CSMD1: variants seen among roughly 807,000 people sequenced by gnomAD.
The protein encoded by CSMD1 is CUB and Sushi multiple domains 1.
Under a neutral mutation model 417.5 loss-of-function variants are expected in CSMD1, and 213 were observed. The observed-to-expected ratio is 0.51, with a 90% CI of 0.46 to 0.57. The LOEUF (loss-of-function observed/expected upper bound fraction) is 0.57, where lower values mean the gene tolerates loss of function less well. Ranked by LOEUF, CSMD1 falls within the 20% of genes least tolerant of loss-of-function variation. The probability of loss-of-function intolerance (pLI) is 0.00; values close to 1 mark genes in which losing one functional copy is unlikely to be tolerated. For missense variants in CSMD1, 6,923 were observed against 4,529.7 expected, an observed-to-expected ratio of 1.53 and a Z score of -15.17; for synonymous variants, 2,862 against 1,736.8, an observed-to-expected ratio of 1.65 and a Z score of -16.11.
Position 3,122,687 on chromosome 8 carries a change from C to T in CSMD1, c.6242-4100G>A, listed in dbSNP as rs533649451. ...GGGGTTTCCACTTTTGCTTCTTTCTCATTTTCTCTTGCTGCCGCCATGTAA... is the reference window on the plus strand; with the variant it reads ...GGGGTTTCCACTTTTGCTTCTTTCTTATTTTCTCTTGCTGCCGCCATGTAA... On this transcript the variant is annotated intron_variant, in intron 41 of 69. Coordinates refer to ENST00000635120, the MANE Select transcript of CSMD1 (RefSeq NM_033225.6). 2.6e-5 allele frequency among the ~76,000 whole-genome samples: 4 copies of T among 152,276 alleles called. No individual in the cohort carries two copies. The South Asian group carries it at 6.2e-4, about 24-fold the overall frequency.
At chr8:3,341,418 A>C (rs185675826) in intron 23 of CSMD1, among the ~76,000 whole-genome samples, 179 of 152,342 alleles carry the variant, frequency 1.2e-3, no homozygotes, top group Admixed American at 2.7e-3. Flanking sequence ...AAATGAGACC[A>C]AGTGTTTACA....
At chr8:3,774,380 G>C (rs914416268) in intron 5 of CSMD1, among the ~76,000 whole-genome samples, 8 of 152,014 alleles carry the variant, frequency 5.3e-5, no homozygotes, top group Admixed American at 4.6e-4. Context: ...CATCTCCCCG[G>C]GATGCAAAAC....
At position 4,056,890 on chromosome 8, in the gene CSMD1, A is replaced by G. The variant is rs1273780973; in HGVS notation, c.416-24791T>C. 2.0e-5 allele frequency among the ~76,000 whole-genome samples: 3 copies of G among 152,332 alleles called. No individual in the cohort carries two copies. The East Asian group carries it at 5.8e-4, about 29-fold the overall frequency. ...TCATCATTTTTTATGGCTGCATAGT[A>G]TTCCATAGAGTATATGTGCCACACT... On this transcript the variant is annotated intron_variant, in intron 3 of 69. Transcript: ENST00000635120.
At chr8:4,888,753 G>A (rs1046258040) in intron 1 of CSMD1, among the ~76,000 whole-genome samples, 2 of 152,026 alleles carry the variant, frequency 1.3e-5, no homozygotes, top group Non-Finnish European at 2.9e-5. Context: ...ATGTGTTAGG[G>A]CTAAAAAGTA....
chr8:4,627,354 A>C (rs1013790619), intron 2 of CSMD1, among the ~76,000 whole-genome samples: 3 of 152,142 alleles, frequency 2.0e-5, no homozygotes, highest in African/African-American at 2.4e-5. Flanking sequence ...AAAATCTGGG[A>C]AACTATTTAT....
intron 7 of CSMD1, among the ~76,000 whole-genome samples, chr8:3,681,339 A>G: frequency 6.6e-6 from 1 of 152,222 alleles, no homozygotes; most frequent in Non-Finnish European, 1.5e-5. Flanking sequence ...ACTTCAGCAA[A>G]GTCTCAGGAT....
chr8:4,436,419 G>C (rs773809015), intron 2 of CSMD1, among the ~76,000 whole-genome samples: 1 of 152,110 alleles, frequency 6.6e-6, no homozygotes. Flanking sequence ...GTACAGAGTA[G>C]ATGTGTGTAT....
At chr8:4,660,605 A>C (rs116289612) in intron 1 of CSMD1, among the ~76,000 whole-genome samples, 12,531 of 152,092 alleles carry the variant, frequency 0.082, 1,744 homozygotes, top group African/African-American at 0.29. Flanking sequence ...ACAATCTATA[A>C]AATAAAAAAT....
rs1487087378 is a variant in CSMD1, at chr8:2,962,614, G to T, written c.9480C>A (p.Ile3160=). The T allele has an allele frequency of 6.2e-7, 1 of 1,613,686 alleles. No individual in the cohort carries two copies. Among genetic ancestry groups the T allele is most frequent in the Non-Finnish European group, 8.5e-7 (1 of 1,179,820 alleles). The change falls in exon 61 of 70, where the codon ATC becomes ATA. Residue 3160 remains isoleucine (I), a synonymous_variant. Transcript: ENST00000635120. ...CLPVFCGDPG[I]PAEGRLSGKS... The stretch of plus-strand genomic sequence containing the variant: ...TCCCACTAAGTCGCCCTTCTGCGGG[G>T]ATGCCAGGGTCTCCGCAGAACACAG...
intron 7 of CSMD1, among the ~76,000 whole-genome samples, chr8:3,706,103 C>T (rs34867567): frequency 0.92 from 140,278 of 152,220 alleles, 64,707 homozygotes; most frequent in East Asian, 0.99. Context: ...GCCTACCTCC[C>T]CTACCGTTCG....
rs139324478 is a variant in CSMD1 at position 3,940,179 on chromosome 8, G to C, written c.818+57724C>G. 5.8e-3 allele frequency among the ~76,000 whole-genome samples: 885 copies of C among 152,060 alleles called. 17 individuals carry two copies. Among genetic ancestry groups the C allele is most frequent in the Admixed American group, 0.04 (608 of 15,258 alleles). ...TTGTCATTGTGTTTCAAACATGAAAGATCTCATGCTTATTATTTTTGAAAA... is the reference window on the plus strand; with the variant it reads ...TTGTCATTGTGTTTCAAACATGAAACATCTCATGCTTATTATTTTTGAAAA... On this transcript the variant is annotated intron_variant, in intron 5 of 69. Transcript: ENST00000635120.
chr8:4,166,061 G>T (rs1448615962), intron 3 of CSMD1, among the ~76,000 whole-genome samples: 1 of 152,094 alleles, frequency 6.6e-6, no homozygotes, highest in Admixed American at 6.5e-5. Flanking sequence ...TTTAATAAGT[G>T]AATTCCCAAT....
At position 3,619,374 on chromosome 8, in the gene CSMD1, A is replaced by ATG. The variant is rs1368741675; in HGVS notation, c.1010-2579_1010-2578dup. 4.2e-5 allele frequency among the ~76,000 whole-genome samples: 5 copies of ATG among 119,620 alleles called. No homozygotes were observed. The East Asian group carries it at 1.1e-3, about 27-fold the overall frequency. The allele number at this position is 119,620 out of a possible 152,430, so 78.5% of individuals were successfully genotyped here. ...GAGCACGGTAGTTAATTTTTTTCAA[A>ATG]TGCTTATTTTTTTTTAACAAAAACC... On this transcript the variant is annotated intron_variant, in intron 7 of 69. Coordinates refer to ENST00000635120, the MANE Select transcript of CSMD1 (RefSeq NM_033225.6).
At chr8:3,465,541 G>A (rs1310773534) in intron 12 of CSMD1, among the ~76,000 whole-genome samples, 1 of 152,112 alleles carries the variant, frequency 6.6e-6, no homozygotes, top group Non-Finnish European at 1.5e-5. Flanking sequence ...ATCCTCCAGG[G>A]AGATTTTCTC....
chr8:3,984,705 AT>A, intron 5 of CSMD1, among the ~76,000 whole-genome samples: 1 of 2,758 alleles, frequency 3.6e-4, no homozygotes, highest in Non-Finnish European at 6.2e-4. Context: ...TGTATATATC[AT>A]ATATATATAT....
chr8:4,390,159 G>C (rs1297054835), intron 3 of CSMD1, among the ~76,000 whole-genome samples: 2 of 152,092 alleles, frequency 1.3e-5, no homozygotes, highest in East Asian at 3.9e-4. Context: ...TCATCCCATT[G>C]TGTTTTAATT....
chr8:4,257,385 AT>A (rs1448946078), intron 3 of CSMD1, among the ~76,000 whole-genome samples: 4 of 151,858 alleles, frequency 2.6e-5, no homozygotes, highest in Non-Finnish European at 5.9e-5. Flanking sequence ...ATATATTACC[AT>A]TTTTCTTCAT....
intron 5 of CSMD1, among the ~76,000 whole-genome samples, chr8:3,892,044 G>C (rs910312620): frequency 3.3e-5 from 5 of 151,980 alleles, no homozygotes; most frequent in East Asian, 1.9e-4. Flanking sequence ...AAAAAATTAA[G>C]GAAAGTCACA....
intron 3 of CSMD1, among the ~76,000 whole-genome samples, chr8:4,236,020 G>C (rs1176233000): frequency 2.0e-5 from 2 of 100,952 alleles, no homozygotes; most frequent in Non-Finnish European, 4.0e-5. Context: ...GAGGTTAATG[G>C]ATATTGTTTT....
Sources: gnomAD v4.1 joint callset for allele counts (sites outside exome capture counted in the v4.1 genomes callset) on GRCh38, gnomAD v4.1.1 for gene constraint, MANE v1.5 for transcripts, NCBI Gene and HGNC (gene_info 2026-07-23, HGNC 2026-07-21) for gene names.